The following CHAF1A variants were observed in gnomAD, a reference collection of about 807,000 sequenced individuals.
CHAF1A encodes the protein chromatin assembly factor 1 subunit A, also known as CAF-1 subunit A.
CHAF1A carries 5 observed loss-of-function variants against 93.2 expected under a neutral mutation model. The ratio of observed to expected loss-of-function variants is 0.05; its 90% CI spans 0.03 to 0.11. The LOEUF (loss-of-function observed/expected upper bound fraction) is 0.11, where lower values mean the gene tolerates loss of function less well. Among genes scored for constraint, CHAF1A ranks in the 10% least tolerant of loss-of-function variants. The pLI is 1.00. For synonymous variants in CHAF1A, 504 were observed against 510.3 expected (o/e 0.99, Z 0.17); for missense variants, 1,102 against 1,259.9 (o/e 0.87, Z 1.90).
At chr19:4,406,816 T>C (rs116618126) in intron 2 of CHAF1A, among the ~76,000 whole-genome samples, 4 of 152,176 alleles carry the variant, frequency 2.6e-5, no homozygotes, top group African/African-American at 9.6e-5. Context: ...AACCAGCTAT[T>C]TGAGAGGCTG....
At chr19:4,444,131 G>T (rs542972757), downstream of CHAF1A, among the ~76,000 whole-genome samples, 2 of 152,302 alleles carry the variant, frequency 1.3e-5, no homozygotes, top group South Asian at 4.1e-4. Flanking sequence ...CAGGTCCTGG[G>T]GCCTGCAGGA....
At position 4,443,240 on chromosome 19, in the gene CHAF1A, T is replaced by C. The variant is rs1427606352; in HGVS notation, c.*215T>C. 2.4e-5 allele frequency: 13 copies of C among 547,440 alleles called. No homozygotes were observed. The highest frequency in any genetic ancestry group is 3.7e-5 in the Non-Finnish European group (11 of 299,060). 33.9% of individuals were successfully genotyped at this position (547,440 alleles called of 1,614,324 possible). A position where few individuals can be genotyped will look rare whatever the true frequency, so the allele number is the denominator to read the frequency against. On this transcript the variant is annotated 3_prime_UTR_variant, in exon 15 of 15. Coordinates refer to ENST00000301280, the MANE Select transcript of CHAF1A (RefSeq NM_005483.3). ...GAATCTGCCCTTTAATAAAGCATTA[T>C]TGAGATTGCTGGCCTATTGGGGAAG... is the stretch of plus-strand genomic sequence containing the variant.
intron 3 of CHAF1A, among the ~76,000 whole-genome samples, chr19:4,413,499 T>C (rs1480305412): frequency 6.6e-6 from 1 of 152,180 alleles, no homozygotes; most frequent in Admixed American, 6.6e-5. Context: ...CTTTCCAGAT[T>C]GCAGGGGCGA....
downstream of CHAF1A, chr19:4,445,628 G>T: frequency 1.2e-6 from 2 of 1,612,142 alleles, no homozygotes; most frequent in Non-Finnish European, 8.5e-7. Context: ...GGGCACCTGC[G>T]GTAGGGGTAG....
intron 3 of CHAF1A, among the ~76,000 whole-genome samples, chr19:4,410,354 A>G (rs921431727): frequency 4.0e-5 from 6 of 151,732 alleles, no homozygotes; most frequent in African/African-American, 1.5e-4. Context: ...CAACCTGGGC[A>G]ACATAGACAC....
chr19:4,419,982 G>A (rs1309283554), intron 4 of CHAF1A, among the ~76,000 whole-genome samples: 4 of 152,080 alleles, frequency 2.6e-5, no homozygotes, highest in African/African-American at 4.8e-5. Context: ...CGTGTGTCTC[G>A]TATATCAGAT....
At chr19:4,410,049 G>T (rs750998884) in intron 3 of CHAF1A, among the ~76,000 whole-genome samples, 1 of 152,216 alleles carries the variant, frequency 6.6e-6, no homozygotes, top group East Asian at 1.9e-4. Context: ...TAGCTTAGCC[G>T]TTTTAGGGAA....
Position 4,443,155 on chromosome 19 carries a change from A to T in CHAF1A, c.*130A>T. 2.8e-6 allele frequency: 2 copies of T among 714,310 alleles called. No individual in the cohort carries two copies. Among genetic ancestry groups the T allele is most frequent in the Non-Finnish European group, 5.1e-6 (2 of 389,798 alleles). The allele number at this position is 714,310 out of a possible 1,614,324, so 44.2% of individuals were successfully genotyped here. A position where few individuals can be genotyped will look rare whatever the true frequency, so the allele number is the denominator to read the frequency against. ...ACCTCCCCAAAGTGTGCAGAGTTCT[A>T]TATAGGATGCTGGATTAGTTCCTTT... On this transcript the variant is annotated 3_prime_UTR_variant, in exon 15 of 15. Coordinates refer to ENST00000301280, the MANE Select transcript of CHAF1A (RefSeq NM_005483.3).
At chr19:4,446,084 C>G, downstream of CHAF1A, 1 of 1,612,716 alleles carries the variant, frequency 6.2e-7, no homozygotes. Context: ...TTCTCGTCCT[C>G]GGACAGCTTC....
Position 4,433,531 on chromosome 19 carries a change from G to A in CHAF1A, c.2665G>A (p.Asp889Asn), listed in dbSNP as rs1310310235. The A allele has an allele frequency of 3.2e-6, 5 of 1,574,864 alleles. No individual in the cohort carries two copies. The highest frequency in any genetic ancestry group is 4.3e-6 in the Non-Finnish European group (5 of 1,151,608). The change falls in exon 13 of 15, where the codon GAC (aspartate) becomes AAC (asparagine). Residue 889 changes from aspartate to asparagine, a missense_variant. Transcript: ENST00000301280. The surrounding 1 kb of genome is among the most constrained non-coding windows in gnomAD (Gnocchi z 5.6). ...CCAATTCATGAAGAAGCGCAGGCAC[G>A]ACGGCCAGGTGAGGTGGGGTGGGCA... ...ITQFMKKRRH[D>N]GQIGAEDMDG...
chr19:4,429,087 T>C, intron 8 of CHAF1A, 197 bp downstream of exon 8: 1 of 599,058 alleles, frequency 1.7e-6, no homozygotes, highest in Non-Finnish European at 3.0e-6. Context: ...TTCCTCTCCC[T>C]GTCTTCCCAG....
chr19:4,403,213 G>T (rs1007143700), intron 1 of CHAF1A, among the ~76,000 whole-genome samples: 5 of 139,328 alleles, frequency 3.6e-5, no homozygotes, highest in Admixed American at 1.5e-4. Flanking sequence ...GCCCAAGGTC[G>T]CACGGGCTCG....
intron 3 of CHAF1A, 127 bp from the exon 4 acceptor site, chr19:4,417,893 G>A: frequency 1.7e-6 from 1 of 602,936 alleles, no homozygotes; most frequent in Non-Finnish European, 3.0e-6. Context: ...ACACTTACTG[G>A]AGTTTGTGAC....
Position 4,433,879 on chromosome 19 carries a change from C to A in CHAF1A, c.2673+340C>A, listed in dbSNP as rs545619937. Among the ~76,000 whole-genome samples the A allele has an allele frequency of 1.3e-5, 2 of 152,172 alleles. No individual in the cohort carries two copies. Among genetic ancestry groups the A allele is most frequent in the African/African-American group, 4.8e-5 (2 of 41,540 alleles). ...CCTCCCAAAGTGCTGGGATTACAGGCGTGAGCCACCTCGCCTGGTGTTTTT... is the reference window on the plus strand; with the variant it reads ...CCTCCCAAAGTGCTGGGATTACAGGAGTGAGCCACCTCGCCTGGTGTTTTT... On this transcript the variant is annotated intron_variant, in intron 13 of 14. Coordinates refer to ENST00000301280, the MANE Select transcript of CHAF1A (RefSeq NM_005483.3). This position sits in a 1 kb window ranked among gnomAD's most constrained non-coding sequence, Gnocchi z 5.6.
intron 13 of CHAF1A, among the ~76,000 whole-genome samples, chr19:4,436,626 G>A (rs1437203875): frequency 1.3e-5 from 2 of 152,192 alleles, no homozygotes; most frequent in Non-Finnish European, 2.9e-5. Context: ...CAGTTTTCCA[G>A]GGCCTTTGCT....
Position 4,402,814 on chromosome 19 carries a change from G to A in CHAF1A, c.52G>A (p.Ala18Thr), listed in dbSNP as rs1973607182. 1 of 1,203,686 alleles carries A rather than the reference G, an allele frequency of 8.3e-7. No individual in the cohort carries two copies. The highest frequency in any genetic ancestry group is 1.0e-6 in the Non-Finnish European group (1 of 969,632). The allele number at this position is 1,203,686 out of a possible 1,614,324, so 74.6% of individuals were successfully genotyped here. Residue 18 changes from alanine (A) to threonine (T), a missense_variant and splice_region_variant, in exon 1 of 15, where the codon GCC becomes ACC. Transcript: ENST00000301280. ...GAPGARGAAT[A>T]MDCKDRPAFP... Reference sequence around the variant, plus strand: ...GCCCGGCGCCAGGGGAGCCGCCACAGGTCGGTTCGGGCCCGCGCCGAGGGG... The same window carrying A: ...GCCCGGCGCCAGGGGAGCCGCCACAAGTCGGTTCGGGCCCGCGCCGAGGGG...
rs565829724 is a variant in CHAF1A at position 4,428,964 on chromosome 19, G to A, written c.1604+74G>A. On this transcript the variant is annotated intron_variant, in intron 8 of 14. Coordinates refer to ENST00000301280, the MANE Select transcript of CHAF1A (RefSeq NM_005483.3). Reference sequence around the variant, plus strand: ...CAGCATCCTGAACCCTGGGGTCCCCGGGGTGGGAGCTCTGGGTCCTTCTGT... The same window carrying A: ...CAGCATCCTGAACCCTGGGGTCCCCAGGGTGGGAGCTCTGGGTCCTTCTGT... 5.4e-4 allele frequency: 682 copies of A among 1,268,498 alleles called. 1 individual carries two copies. The highest frequency in any genetic ancestry group is 1.8e-3 in the Admixed American group (92 of 52,378). The allele number at this position is 1,268,498 out of a possible 1,614,324, so 78.6% of individuals were successfully genotyped here. A position where few individuals can be genotyped will look rare whatever the true frequency, so the allele number is the denominator to read the frequency against.
intron 13 of CHAF1A, among the ~76,000 whole-genome samples, chr19:4,436,742 T>C (rs1006458772): frequency 2.0e-5 from 3 of 151,766 alleles, no homozygotes; most frequent in Admixed American, 2.0e-4. Context: ...TCCCCACCCC[T>C]CTCCACTGAT....
chr19:4,422,742 G>A lies in CHAF1A; in HGVS notation c.1194G>A (p.Ala398=), dbSNP rs143894910. The A allele has an allele frequency of 1.5e-3, 2,385 of 1,613,068 alleles. 3 individuals carry two copies. Among genetic ancestry groups the A allele is most frequent in the Non-Finnish European group, 1.9e-3 (2,186 of 1,179,772 alleles). Residue 398 remains alanine, a synonymous_variant, in exon 5 of 15, where the codon GCG becomes GCA. Coordinates refer to ENST00000301280, the MANE Select transcript of CHAF1A (RefSeq NM_005483.3). The surrounding 1 kb of genome is among the most constrained non-coding windows in gnomAD (Gnocchi z 4.6). ...GGGAGAAGGATGAGAAGGAGAAGGC[G>A]GAGAAGCAGCGGCTCAAGGAGGAGC... ...EKREKDEKEK[A]EKQRLKEERR...
Sources: gnomAD v4.1 joint callset for allele counts (sites outside exome capture counted in the v4.1 genomes callset) on GRCh38, gnomAD v4.1.1 for gene constraint, Gnocchi (gnomAD v3.1) non-coding constraint, MANE v1.5 for transcripts, NCBI Gene and HGNC (gene_info 2026-07-23, HGNC 2026-07-21) for gene names.